DYM: variants seen among roughly 807,000 people sequenced by gnomAD.
The protein encoded by DYM is dyggve-Melchior-Clausen syndrome protein.
A neutral mutation model predicts 93.1 loss-of-function variants in DYM; 78 were observed. That is an observed-to-expected ratio of 0.84 (90% CI 0.70 to 1.01). The LOEUF (loss-of-function observed/expected upper bound fraction) is 1.01. Ranked by LOEUF, DYM falls within the 50% of genes least tolerant of loss-of-function variation. The pLI, the probability that DYM is intolerant of heterozygous loss-of-function variation, is 0.00. For synonymous variants in DYM, 321 were observed against 319.7 expected (o/e 1.00, Z -0.04); for missense variants, 789 against 845.0 (o/e 0.93, Z 0.82).
intron 13 of DYM, among the ~76,000 whole-genome samples, chr18:49,256,117 G>T (rs2094390393): frequency 6.7e-6 from 1 of 150,160 alleles, no homozygotes; most frequent in Non-Finnish European, 1.5e-5. Context: ...CATGTCTTTG[G>T]CAATGGGTGG....
rs558130309 is a variant in DYM at position 49,046,101 on chromosome 18, C to G, written c.2026-1897G>C. Among the ~76,000 whole-genome samples, 10 of 150,348 alleles carry G rather than the reference C, an allele frequency of 6.7e-5. No individual in the cohort carries two copies. The East Asian group carries it at 2.0e-3, about 30-fold the overall frequency. On this transcript the variant is annotated intron_variant, in intron 17 of 17. Transcript: ENST00000675505. ...GCATGCGCGCACACACACACACACA[C>G]CCACACCCACATCCCCAAATACACA...
In DYM at chr18:49,272,206, T is replaced by C; in HGVS notation, c.1223A>G (p.Asp408Gly). The C allele has an allele frequency of 6.2e-7, 1 of 1,612,146 alleles. No individual in the cohort carries two copies. The highest frequency in any genetic ancestry group is 8.5e-7 in the Non-Finnish European group (1 of 1,178,538). ...LIILLILTED[D>G]GFNRSIHEVI... ...TTCATGAATGGATCTGTTGAAGCCA[T>C]CATCTTCCGTAAGGATCAACAATAT... The change falls in exon 11 of 18, where the codon GAT (aspartate) becomes GGT (glycine). Residue 408 changes from aspartate to glycine, a missense_variant. Physicochemically the swap from Asp to Gly is moderately conservative, Grantham distance 94. Transcript: ENST00000675505.
chr18:49,346,247 A>G (rs181768863), intron 6 of DYM, among the ~76,000 whole-genome samples: 1 of 152,366 alleles, frequency 6.6e-6, no homozygotes, highest in African/African-American at 2.4e-5. Flanking sequence ...CAACTGGTGA[A>G]TAAGCAAAAT....
At position 49,042,869 on chromosome 18, in the gene DYM, C is replaced by T. The variant is rs2071034735; in HGVS notation, c.*1186G>A. 6.6e-6 allele frequency: 1 copy of T among 152,156 alleles called. No individual in the cohort carries two copies. The highest frequency in any genetic ancestry group is 2.4e-5 in the African/African-American group (1 of 41,424). The allele number at this position is 152,156 out of a possible 1,614,324, so 9.4% of individuals were successfully genotyped here. A position where few individuals can be genotyped will look rare whatever the true frequency, so the allele number is the denominator to read the frequency against. ...GGCACCAACACACGGATCACACCGGCCCAGAAACAAAGAGCAAAACATGCT... is the reference window on the plus strand; with the variant it reads ...GGCACCAACACACGGATCACACCGGTCCAGAAACAAAGAGCAAAACATGCT... On this transcript the variant is annotated 3_prime_UTR_variant, in exon 18 of 18. Coordinates refer to ENST00000675505, the MANE Select transcript of DYM (RefSeq NM_001353214.3).
intron 13 of DYM, among the ~76,000 whole-genome samples, chr18:49,219,843 C>G (rs201012234): frequency 0.064 from 9,221 of 144,104 alleles, 471 homozygotes; most frequent in East Asian, 0.27. Context: ...TTGAAAACTG[C>G]CACAAGACAG....
chr18:49,356,941 TTA>T (rs1270135369), intron 6 of DYM, among the ~76,000 whole-genome samples: 2 of 152,214 alleles, frequency 1.3e-5, no homozygotes, highest in African/African-American at 4.8e-5. Context: ...ATATTCTTTT[TTA>T]TATCTCAATA....
chr18:49,328,298 G>A (rs1394676864), intron 8 of DYM, among the ~76,000 whole-genome samples: 3 of 152,162 alleles, frequency 2.0e-5, no homozygotes, highest in Admixed American at 6.5e-5. Flanking sequence ...GGAAAAGATC[G>A]CATCTAGCCA....
chr18:49,267,190 G>C (rs1353772309), intron 11 of DYM, among the ~76,000 whole-genome samples: 2 of 129,594 alleles, frequency 1.5e-5, no homozygotes, highest in Admixed American at 7.6e-5. Flanking sequence ...GACATTAAAA[G>C]GTAACTTTTT....
chr18:49,059,760 AC>A (rs1424638513), intron 17 of DYM, among the ~76,000 whole-genome samples: 1 of 152,104 alleles, frequency 6.6e-6, no homozygotes, highest in East Asian at 1.9e-4. Context: ...ACCCATGCAC[AC>A]CAAAGTGGGG....
chr18:49,326,593 T>A (rs1483208267), intron 8 of DYM, among the ~76,000 whole-genome samples: 3 of 152,204 alleles, frequency 2.0e-5, no homozygotes, highest in African/African-American at 4.8e-5. Context: ...TCTGATTGAA[T>A]GCCAACCAAG....
chr18:49,158,591 A>T (rs776213640), intron 15 of DYM, among the ~76,000 whole-genome samples: 1 of 152,190 alleles, frequency 6.6e-6, no homozygotes, highest in Non-Finnish European at 1.5e-5. Context: ...AAAAATCTTT[A>T]AGGGACATTT....
At chr18:49,065,419 A>G (rs573152465) in intron 17 of DYM, among the ~76,000 whole-genome samples, 2 of 152,236 alleles carry the variant, frequency 1.3e-5, no homozygotes, top group African/African-American at 4.8e-5. Flanking sequence ...CTGAAGTGCA[A>G]TGGTGCGATC....
In DYM at chr18:49,037,242, T is replaced by A. The variant is rs2070739355; in HGVS notation, c.*6813A>T. 6.6e-6 allele frequency among the ~76,000 whole-genome samples: 1 copy of A among 152,178 alleles called. No individual in the cohort carries two copies. Among genetic ancestry groups the A allele is most frequent in the African/African-American group, 2.4e-5 (1 of 41,440 alleles). ...AACTTTTGACTTTGATTCCCTTTATTGTATATTTGTGTTCTATATCAGTAA... is the reference window on the plus strand; with the variant it reads ...AACTTTTGACTTTGATTCCCTTTATAGTATATTTGTGTTCTATATCAGTAA... On this transcript the variant is annotated 3_prime_UTR_variant, in exon 18 of 18. Coordinates refer to ENST00000675505, the MANE Select transcript of DYM (RefSeq NM_001353214.3).
chr18:49,159,862 G>A (rs963920557), intron 15 of DYM, among the ~76,000 whole-genome samples: 6 of 152,126 alleles, frequency 3.9e-5, no homozygotes, highest in Non-Finnish European at 4.4e-5. Flanking sequence ...AGCTTATATG[G>A]TACAGTAACA....
At chr18:49,306,885 T>C (rs757526398) in intron 8 of DYM, among the ~76,000 whole-genome samples, 13 of 152,332 alleles carry the variant, frequency 8.5e-5, no homozygotes, top group Non-Finnish European at 1.8e-4. Flanking sequence ...AAATGTTTTA[T>C]TTTGTGAAGA....
intron 5 of DYM, among the ~76,000 whole-genome samples, chr18:49,377,279 G>A (rs2067592107): frequency 6.6e-6 from 1 of 152,056 alleles, no homozygotes; most frequent in Admixed American, 6.6e-5. Flanking sequence ...AAAATTCTAG[G>A]CCGGGCACGG....
At chr18:49,264,031 C>CT (rs2094531259) in intron 11 of DYM, among the ~76,000 whole-genome samples, 1 of 151,318 alleles carries the variant, frequency 6.6e-6, no homozygotes, top group South Asian at 2.1e-4. Context: ...TACCTGAAGC[C>CT]TCCTCATTGT....
chr18:49,294,217 A>G (rs2060371575), intron 8 of DYM, among the ~76,000 whole-genome samples: 4 of 152,094 alleles, frequency 2.6e-5, no homozygotes, highest in Admixed American at 2.6e-4. Flanking sequence ...TGGTTACTGT[A>G]GTCTTATAGT....
intron 17 of DYM, among the ~76,000 whole-genome samples, chr18:49,074,197 T>A (rs76017405): frequency 0.018 from 2,736 of 152,280 alleles, 82 homozygotes; most frequent in African/African-American, 0.062. Context: ...TTTAAAATAT[T>A]CTGAGGAAAA....
Sources: gnomAD v4.1 joint callset for allele counts (sites outside exome capture counted in the v4.1 genomes callset) on GRCh38, gnomAD v4.1.1 for gene constraint, MANE v1.5 for transcripts, NCBI Gene and HGNC (gene_info 2026-07-23, HGNC 2026-07-21) for gene names.